CEP112: variants seen among roughly 807,000 people sequenced by gnomAD.
The protein encoded by CEP112 is centrosomal protein 112.
CEP112 carries 127 observed loss-of-function variants against 153.0 expected under a neutral mutation model. The ratio of observed to expected loss-of-function variants is 0.83; its 90% confidence interval spans 0.72 to 0.96. The LOEUF (loss-of-function observed/expected upper bound fraction) is 0.96, where lower values mean the gene tolerates loss of function less well. Ranked by LOEUF, CEP112 falls within the 40% of genes least tolerant of loss-of-function variation. The pLI is 0.00. For synonymous variants in CEP112, 358 were observed against 374.4 expected, an observed-to-expected ratio of 0.96 and a Z score of 0.51; for missense variants, 1,089 against 1,101.2, an observed-to-expected ratio of 0.99 and a Z score of 0.16.
At chr17:65,674,025 C>T (rs570249763) in intron 24 of CEP112, among the ~76,000 whole-genome samples, 10 of 152,076 alleles carry the variant, frequency 6.6e-5, no homozygotes, top group South Asian at 6.2e-4. Flanking sequence ...TACAGGCGTG[C>T]GCCACCAAGC....
chr17:65,988,122 T>C (rs529638135), intron 17 of CEP112, among the ~76,000 whole-genome samples: 3 of 152,210 alleles, frequency 2.0e-5, no homozygotes, highest in African/African-American at 7.2e-5. Flanking sequence ...TACTAGGATA[T>C]CCCATTTAGG....
In CEP112 at chr17:65,970,812, G is replaced by A. The variant is rs553820648; in HGVS notation, c.1737-9214C>T. Among the ~76,000 whole-genome samples the A allele has an allele frequency of 4.9e-4, 74 of 151,866 alleles. 8 individuals are homozygous for A. The highest frequency in any genetic ancestry group is 7.7e-4 in the Non-Finnish European group (52 of 67,774). ...AATGTATATTGCACATGTGTATGGC[G>A]CATGTATATTGCATGCATGCACATT... On this transcript the variant is annotated intron_variant, in intron 17 of 26. Transcript: ENST00000535342.
chr17:66,169,866 T>C (rs1425480378), intron 4 of CEP112, among the ~76,000 whole-genome samples: 1 of 152,242 alleles, frequency 6.6e-6, no homozygotes. Context: ...GTTCTCATGT[T>C]TCTGCAGGTC....
At chr17:65,656,629 A>G (rs541597521) in intron 24 of CEP112, among the ~76,000 whole-genome samples, 2 of 152,290 alleles carry the variant, frequency 1.3e-5, no homozygotes, top group East Asian at 3.9e-4. Flanking sequence ...AGTATTGAGT[A>G]GTCTTGACAG....
At chr17:66,037,917 T>C (rs956190446) in intron 12 of CEP112, among the ~76,000 whole-genome samples, 2 of 151,402 alleles carry the variant, frequency 1.3e-5, no homozygotes, top group African/African-American at 4.8e-5. Flanking sequence ...TACATAGATA[T>C]GATTATTATA....
rs779064228 is a variant in CEP112, at chr17:65,635,933, C to T, written c.*38G>A. On this transcript the variant is annotated 3_prime_UTR_variant, in exon 27 of 27. Coordinates refer to ENST00000535342, the MANE Select transcript of CEP112 (RefSeq NM_001199165.4). ...AACCTGCTGGAAGAAGTCCACAGCA[C>T]AGCCTGGAAATTGCATCCGTTGCAT... 2 of 1,593,174 alleles carry T rather than the reference C, an allele frequency of 1.3e-6. No individual in the cohort carries two copies. The highest frequency in any genetic ancestry group is 1.1e-5 in the South Asian group (1 of 87,692).
chr17:65,712,255 T>C (rs190218903), intron 23 of CEP112, among the ~76,000 whole-genome samples: 65 of 152,292 alleles, frequency 4.3e-4, no homozygotes, highest in Middle Eastern at 6.8e-3. Flanking sequence ...AATCAGAGTA[T>C]GAAATTAATG....
intron 24 of CEP112, among the ~76,000 whole-genome samples, chr17:65,680,013 A>G (rs1036501653): frequency 6.6e-6 from 1 of 152,254 alleles, no homozygotes; most frequent in Non-Finnish European, 1.5e-5. Context: ...AAGTTCATCT[A>G]TAGAGAAAAA....
chr17:65,683,871 G>A (rs898888957), intron 24 of CEP112, among the ~76,000 whole-genome samples: 3 of 152,008 alleles, frequency 2.0e-5, no homozygotes, highest in African/African-American at 7.2e-5. Flanking sequence ...GTGAAACCCC[G>A]TCTCTACTAA....
chr17:66,098,817 C>T (rs930498557), intron 6 of CEP112, among the ~76,000 whole-genome samples: 1 of 152,148 alleles, frequency 6.6e-6, no homozygotes, highest in Non-Finnish European at 1.5e-5. Flanking sequence ...AAAGGGAATA[C>T]AAATCCCTGG....
At chr17:65,677,187 A>C (rs1307770115) in intron 24 of CEP112, among the ~76,000 whole-genome samples, 2 of 152,194 alleles carry the variant, frequency 1.3e-5, no homozygotes, top group South Asian at 2.1e-4. Flanking sequence ...CCTGTCTGTA[A>C]ATCTCACATA....
intron 6 of CEP112, among the ~76,000 whole-genome samples, chr17:66,098,384 A>G (rs2068433009): frequency 6.6e-6 from 1 of 152,240 alleles, no homozygotes. Flanking sequence ...CATTTCAAAT[A>G]TAAATTATTG....
intron 18 of CEP112, among the ~76,000 whole-genome samples, chr17:65,960,701 G>A (rs1280422587): frequency 1.3e-5 from 2 of 152,122 alleles, no homozygotes; most frequent in African/African-American, 2.4e-5. Context: ...TTACTTTTTG[G>A]AGCATTGTCA....
At chr17:65,997,262 A>G (rs2063825079) in intron 17 of CEP112, among the ~76,000 whole-genome samples, 1 of 152,128 alleles carries the variant, frequency 6.6e-6, no homozygotes, top group South Asian at 2.1e-4. Context: ...TCTCTTTCCT[A>G]TTCTATAATC....
chr17:66,040,157 T>G (rs1334045307), intron 12 of CEP112, among the ~76,000 whole-genome samples: 1 of 152,214 alleles, frequency 6.6e-6, no homozygotes, highest in African/African-American at 2.4e-5. Flanking sequence ...TATAAAAATT[T>G]GAACTTCTTA....
rs564018983 is a variant in CEP112, at chr17:66,050,667, C to T, written c.1218+3069G>A. On this transcript the variant is annotated intron_variant, in intron 12 of 26. Transcript: ENST00000535342. ...ACACTCCAATTAAACATCTAGCTGCCTCTTAAATAGGCCTTCTAGCAATTT... is the reference window on the plus strand; with the variant it reads ...ACACTCCAATTAAACATCTAGCTGCTTCTTAAATAGGCCTTCTAGCAATTT... Among the ~76,000 whole-genome samples, 13 of 152,216 alleles carry T rather than the reference C, an allele frequency of 8.5e-5. No homozygotes were observed. The South Asian group carries it at 1.2e-3, about 15-fold the overall frequency.
intron 20 of CEP112, among the ~76,000 whole-genome samples, chr17:65,899,561 G>A (rs141098469): frequency 3.7e-4 from 56 of 152,172 alleles, no homozygotes; most frequent in African/African-American, 1.2e-3. Context: ...TAGTTGGAAC[G>A]ATTCACCTTA....
chr17:66,046,034 T>G (rs1023355258), intron 12 of CEP112, among the ~76,000 whole-genome samples: 1 of 54,518 alleles, frequency 1.8e-5, no homozygotes, highest in African/African-American at 4.5e-5. Flanking sequence ...CGTTAAAAAG[T>G]TTTTTTTTTC....
intron 12 of CEP112, among the ~76,000 whole-genome samples, chr17:66,050,261 T>G (rs1413737955): frequency 6.6e-6 from 1 of 152,228 alleles, no homozygotes; most frequent in Non-Finnish European, 1.5e-5. Context: ...GCATTTTTTC[T>G]CATATTAGTG....
Sources: gnomAD v4.1 joint callset for allele counts (sites outside exome capture counted in the v4.1 genomes callset) on GRCh38, gnomAD v4.1.1 for gene constraint, MANE v1.5 for transcripts, NCBI Gene and HGNC (gene_info 2026-07-23, HGNC 2026-07-21) for gene names.